Variants in ERCC6L2 observed in about 807,000 individuals in gnomAD.
ERCC6L2 encodes the protein ERCC excision repair 6 like 2.
Under a neutral mutation model 132.0 loss-of-function variants are expected in ERCC6L2, and 77 were observed. That is an observed-to-expected ratio of 0.58 (90% confidence interval 0.49 to 0.71). The LOEUF (loss-of-function observed/expected upper bound fraction) is 0.71. Ranked by LOEUF, ERCC6L2 falls within the 30% of genes least tolerant of loss-of-function variation. The pLI is 0.00. For synonymous variants in ERCC6L2, 583 were observed against 632.4 expected, an observed-to-expected ratio of 0.92 and a Z score of 1.17; for missense variants, 1,542 against 1,837.6, an observed-to-expected ratio of 0.84 and a Z score of 2.94.
chr9:96,015,015 G>GTTTTTTTTTTTTTTTTTTTTT lies in ERCC6L2; in HGVS notation c.*1817_*1837dup, dbSNP rs767745101. Among the ~76,000 whole-genome samples the GTTTTTTTTTTTTTTTTTTTTT allele has an allele frequency of 3.1e-5, 2 of 65,430 alleles. No homozygotes were observed. Among genetic ancestry groups the GTTTTTTTTTTTTTTTTTTTTT allele is most frequent in the African/African-American group, 6.3e-5 (1 of 15,900 alleles). The allele number at this position is 65,430 out of a possible 152,430, so 42.9% of individuals were successfully genotyped here. A position where few individuals can be genotyped will look rare whatever the true frequency, so the allele number is the denominator to read the frequency against. On this transcript the variant is annotated 3_prime_UTR_variant, in exon 19 of 19. Coordinates refer to ENST00000653738, the MANE Select transcript of ERCC6L2 (RefSeq NM_020207.7). ...GCTCTATAGTCTTCATATATGTACA[G>GTTTTTTTTTTTTTTTTTTTTT]TTTTTTTTTTTTTTTTTTTTTTTTT...
At chr9:95,962,888 A>G (rs1394040768) in intron 13 of ERCC6L2, among the ~76,000 whole-genome samples, 1 of 152,162 alleles carries the variant, frequency 6.6e-6, no homozygotes, top group Non-Finnish European at 1.5e-5. Context: ...ATGTGTATGT[A>G]TAAATAGCTT....
intron 3 of ERCC6L2, among the ~76,000 whole-genome samples, chr9:95,899,043 G>A (rs972864868): frequency 1.6e-4 from 24 of 152,126 alleles, no homozygotes; most frequent in African/African-American, 4.8e-4. Flanking sequence ...TGTCACCACA[G>A]AGCCTATATA....
At chr9:95,893,868 C>A (rs1380701978) in intron 2 of ERCC6L2, among the ~76,000 whole-genome samples, 3 of 152,028 alleles carry the variant, frequency 2.0e-5, no homozygotes, top group Admixed American at 2.0e-4. Context: ...TTAGTAATTT[C>A]TGCTTTTTTG....
intron 20 of ERCC6L2, among the ~76,000 whole-genome samples, chr9:96,039,994 G>C (rs1834560165): frequency 6.6e-6 from 1 of 151,882 alleles, no homozygotes; most frequent in Non-Finnish European, 1.5e-5. Context: ...TGAGGCAGGA[G>C]GATCACTCGA....
chr9:96,020,878 C>G, downstream of ERCC6L2: 1 of 456,738 alleles, frequency 2.2e-6, no homozygotes, highest in Non-Finnish European at 4.4e-6. Context: ...TGCGGAGGTT[C>G]CTGGTTTGGG....
intron 2 of ERCC6L2, among the ~76,000 whole-genome samples, chr9:95,895,511 G>A (rs2132592090): frequency 6.6e-6 from 1 of 151,584 alleles, no homozygotes; most frequent in African/African-American, 2.4e-5. Flanking sequence ...TGTCCTTTTG[G>A]GTAGATTGTT....
intron 11 of ERCC6L2, among the ~76,000 whole-genome samples, chr9:95,933,287 A>AT (rs1290905328): frequency 1.3e-5 from 2 of 151,904 alleles, no homozygotes; most frequent in African/African-American, 2.4e-5. Context: ...TAACTTATCC[A>AT]TTTTTTTAAT....
At chr9:95,914,484 G>T (rs1829485580) in intron 4 of ERCC6L2, among the ~76,000 whole-genome samples, 1 of 152,052 alleles carries the variant, frequency 6.6e-6, no homozygotes, top group South Asian at 2.1e-4. Context: ...CTCCTGAGTA[G>T]CCGGGACTAC....
At chr9:95,926,974 A>G (rs989593795) in intron 9 of ERCC6L2, among the ~76,000 whole-genome samples, 8 of 152,066 alleles carry the variant, frequency 5.3e-5, no homozygotes, top group Non-Finnish European at 8.8e-5. Context: ...AACAGAAAAA[A>G]TAATATCTAC....
In ERCC6L2 at chr9:96,029,315, A is replaced by AC. The variant is rs1310856024; in HGVS notation, c.*1504-9561_*1504-9560insC. ...CAAGACTCCGTCTCAAAAAAAAAAA[A>AC]AAAAAAAACAAAAAAAAAATTAGGA... On this transcript the variant is annotated intron_variant and NMD_transcript_variant, in intron 19 of 20. Coordinates refer to the ERCC6L2 transcript ENST00000670016. Among the ~76,000 whole-genome samples, 139 of 150,964 alleles carry AC rather than the reference A, an allele frequency of 9.2e-4. 3 individuals are homozygous for AC. Among genetic ancestry groups the AC allele is most frequent in the Non-Finnish European group, 3.3e-4 (22 of 67,652 alleles).
At chr9:95,915,573 T>C (rs1216806485) in intron 4 of ERCC6L2, 95 bp from the exon 5 acceptor site, 1 of 1,314,236 alleles carries the variant, frequency 7.6e-7, no homozygotes, top group Admixed American at 2.3e-5. Flanking sequence ...AAAAAATAAT[T>C]CCAAAACTTT....
chr9:95,886,950 G>T (rs689860), intron 2 of ERCC6L2, among the ~76,000 whole-genome samples: 1 of 152,010 alleles, frequency 6.6e-6, no homozygotes. Context: ...GATGCTTCCT[G>T]TCCTTGAACG....
chr9:95,918,337 A>G (rs140220368), intron 6 of ERCC6L2: 1 of 389,816 alleles, frequency 2.6e-6, no homozygotes, highest in Non-Finnish European at 5.1e-6. Flanking sequence ...GGACCAAATG[A>G]CACGATGTTT....
At chr9:96,021,188 C>T (rs1345494486), downstream of ERCC6L2, 4 of 353,096 alleles carry the variant, frequency 1.1e-5, no homozygotes, top group Middle Eastern at 1.0e-3. This position sits in a 1 kb window ranked among gnomAD's most constrained non-coding sequence, Gnocchi z 4.7. Context: ...CGCCTGGTGT[C>T]AGCGCGTTTC....
chr9:95,878,752 C>T (rs1480492907), intron 1 of ERCC6L2, among the ~76,000 whole-genome samples: 2 of 149,130 alleles, frequency 1.3e-5, no homozygotes, highest in Non-Finnish European at 3.0e-5. Flanking sequence ...TGAGAATCTG[C>T]GGTGTTTGGT....
At chr9:95,900,553 A>G (rs1056356041) in intron 3 of ERCC6L2, among the ~76,000 whole-genome samples, 2 of 152,162 alleles carry the variant, frequency 1.3e-5, no homozygotes, top group Non-Finnish European at 2.9e-5. Context: ...GTGAATAGCT[A>G]TTGTTGGGGC....
At chr9:96,002,067 CCA>C (rs1317558289) in intron 17 of ERCC6L2, among the ~76,000 whole-genome samples, 1 of 152,248 alleles carries the variant, frequency 6.6e-6, no homozygotes, top group African/African-American at 2.4e-5. Context: ...CCCACAAGCG[CCA>C]CACACAGCCC....
chr9:95,999,357 T>G (rs1833578620), intron 17 of ERCC6L2, among the ~76,000 whole-genome samples: 1 of 126,682 alleles, frequency 7.9e-6, no homozygotes, highest in Non-Finnish European at 1.7e-5. Context: ...TGAGACTCTG[T>G]CTCAAAAAAA....
chr9:95,891,900 T>C (rs922888239), intron 2 of ERCC6L2, among the ~76,000 whole-genome samples: 2 of 152,142 alleles, frequency 1.3e-5, no homozygotes, highest in African/African-American at 4.8e-5. Context: ...TTCATTGTCT[T>C]TATTGTTGAG....
Sources: gnomAD v4.1 joint callset for allele counts (sites outside exome capture counted in the v4.1 genomes callset) on GRCh38, gnomAD v4.1.1 for gene constraint, Gnocchi (gnomAD v3.1) non-coding constraint, MANE v1.5 for transcripts, NCBI Gene and HGNC (gene_info 2026-07-23, HGNC 2026-07-21) for gene names.